Variants in CCDC73 observed in about 807,000 individuals in gnomAD.
CCDC73 encodes the protein coiled-coil domain-containing protein 73.
A neutral mutation model predicts 116.5 loss-of-function variants in CCDC73; 95 were observed. The ratio of observed to expected loss-of-function variants is 0.82; its 90% CI spans 0.69 to 0.97. The LOEUF (loss-of-function observed/expected upper bound fraction) is 0.97. Among genes scored for constraint, CCDC73 ranks in the 50% least tolerant of loss-of-function variants. CCDC73 has a pLI of 0.00. For missense variants in CCDC73, 1,066 were observed against 1,206.8 expected (o/e 0.88, Z 1.73); for synonymous variants, 398 against 401.3 (o/e 0.99, Z 0.10).
chr11:32,805,574 T>C, the CCDC73 span, among the ~76,000 whole-genome samples: 1 of 152,174 alleles, frequency 6.6e-6, no homozygotes, highest in Non-Finnish European at 1.5e-5. Context: ...TAAACAAAAA[T>C]ATAAAACACA....
intron 3 of CCDC73, among the ~76,000 whole-genome samples, chr11:32,709,480 A>T (rs1348563912): frequency 6.6e-6 from 1 of 152,132 alleles, no homozygotes; most frequent in Non-Finnish European, 1.5e-5. Context: ...TATTTTCAGT[A>T]GAGATGGGGT....
At chr11:32,757,189 CA>C (rs939248714) in intron 2 of CCDC73, among the ~76,000 whole-genome samples, 5 of 151,004 alleles carry the variant, frequency 3.3e-5, no homozygotes, top group African/African-American at 7.3e-5. Flanking sequence ...AAAACTTGCA[CA>C]AAAAAAATAC....
intron 14 of CCDC73, among the ~76,000 whole-genome samples, chr11:32,626,412 T>G (rs1221799323): frequency 1.3e-5 from 2 of 151,938 alleles, no homozygotes; most frequent in Admixed American, 6.6e-5. Flanking sequence ...CAAGGTAATT[T>G]ATAGATTCAA....
intron 2 of CCDC73, among the ~76,000 whole-genome samples, chr11:32,740,326 C>T (rs1406187064): frequency 6.6e-6 from 1 of 151,890 alleles, no homozygotes; most frequent in East Asian, 1.9e-4. Flanking sequence ...GGGTCCCAGG[C>T]TTTTTCTTTG....
chr11:32,796,091 T>G (rs10767967), upstream of CCDC73, among the ~76,000 whole-genome samples: 87,624 of 151,720 alleles, frequency 0.58, 25,686 homozygotes, highest in East Asian at 0.84. Context: ...GTCACCTTTT[T>G]AGGGAAAGCA....
chr11:32,825,767 A>C, the CCDC73 span, among the ~76,000 whole-genome samples: 13 of 152,334 alleles, frequency 8.5e-5, no homozygotes, highest in African/African-American at 3.1e-4. Flanking sequence ...TTCACAAAAA[A>C]AAGGCCAAAA....
At chr11:32,723,937 T>C (rs1312343675) in intron 2 of CCDC73, among the ~76,000 whole-genome samples, 1 of 152,100 alleles carries the variant, frequency 6.6e-6, no homozygotes, top group Non-Finnish European at 1.5e-5. Flanking sequence ...AAAGTTCTAA[T>C]AAAAAGTTTA....
the CCDC73 span, among the ~76,000 whole-genome samples, chr11:32,824,262 T>G: frequency 2.0e-5 from 3 of 152,194 alleles, no homozygotes; most frequent in Non-Finnish European, 4.4e-5. Flanking sequence ...TATATAATTG[T>G]GGGTGAAAAA....
chr11:32,742,108 G>T lies in CCDC73; in HGVS notation c.135+18001C>A, dbSNP rs534073148. On this transcript the variant is annotated intron_variant, in intron 2 of 17. Transcript: ENST00000335185. Reference sequence around the variant, plus strand: ...AGTCTTTGCTATTGTGAATAGTGCCGCAATAAACATACGTGTGCATGTGTC... The same window carrying T: ...AGTCTTTGCTATTGTGAATAGTGCCTCAATAAACATACGTGTGCATGTGTC... Among the ~76,000 whole-genome samples the T allele has an allele frequency of 6.6e-5, 10 of 152,174 alleles. No individual in the cohort carries two copies. The East Asian group carries it at 1.5e-3, about 23-fold the overall frequency.
intron 6 of CCDC73, among the ~76,000 whole-genome samples, chr11:32,692,458 T>A (rs1252013446): frequency 6.6e-6 from 1 of 152,070 alleles, no homozygotes; most frequent in African/African-American, 2.4e-5. Context: ...AGAAATAACA[T>A]GTTATATATT....
At chr11:32,726,271 A>G (rs752290067) in intron 2 of CCDC73, among the ~76,000 whole-genome samples, 7 of 152,240 alleles carry the variant, frequency 4.6e-5, no homozygotes, top group Non-Finnish European at 1.0e-4. Flanking sequence ...TATTGGATTT[A>G]TTGACATAGA....
At chr11:32,821,165 C>T in the CCDC73 span, among the ~76,000 whole-genome samples, 1 of 152,094 alleles carries the variant, frequency 6.6e-6, no homozygotes, top group Non-Finnish European at 1.5e-5. Flanking sequence ...ATATTTTCTT[C>T]TCATTCTTTT....
rs187345057 is a variant in CCDC73 at position 32,718,004 on chromosome 11, C to T, written c.207+72G>A. ...CCTCCACCTTGTCTCTCCCTTGACACGTGGGGGTTACGGGGATTACAATTC... is the reference window on the plus strand; with the variant it reads ...CCTCCACCTTGTCTCTCCCTTGACATGTGGGGGTTACGGGGATTACAATTC... On this transcript the variant is annotated intron_variant, in intron 3 of 17. Coordinates refer to ENST00000335185, the MANE Select transcript of CCDC73 (RefSeq NM_001008391.4). 1.9e-4 allele frequency: 194 copies of T among 1,030,672 alleles called. No individual in the cohort carries two copies. In the African/African-American group the frequency reaches 2.5e-3, roughly 13 times the overall value. The allele number at this position is 1,030,672 out of a possible 1,614,324, so 63.8% of individuals were successfully genotyped here.
intron 9 of CCDC73, among the ~76,000 whole-genome samples, chr11:32,660,241 A>AAAC (rs1485307818): frequency 6.7e-6 from 1 of 150,278 alleles, no homozygotes; most frequent in African/African-American, 2.4e-5. Context: ...AAAAAAAAAA[A>AAAC]AAAAAAAAAA....
Position 32,635,680 on chromosome 11 carries a change from C to A in CCDC73, c.1185+16G>T, listed in dbSNP as rs2133242712. On this transcript the variant is annotated intron_variant, in intron 14 of 17. Transcript: ENST00000335185. ...TTCTTTGATAGTTTGTACCCCACAA[C>A]ATACTTAAATTTTACCTGAAACTTT... is the stretch of plus-strand genomic sequence containing the variant. 7.8e-7 allele frequency: 1 copy of A among 1,286,076 alleles called. No homozygotes were observed. The highest frequency in any genetic ancestry group is 2.3e-5 in the South Asian group (1 of 43,358). 79.7% of individuals were successfully genotyped at this position (1,286,076 alleles called of 1,614,324 possible).
At chr11:32,621,488 G>A (rs768596380) in intron 14 of CCDC73, among the ~76,000 whole-genome samples, 1 of 152,064 alleles carries the variant, frequency 6.6e-6, no homozygotes, top group Non-Finnish European at 1.5e-5. Context: ...AACTGAAACT[G>A]GACCCCTTCC....
chr11:32,758,481 G>T (rs1411018931), intron 2 of CCDC73: 1 of 458,626 alleles, frequency 2.2e-6, no homozygotes, highest in Non-Finnish European at 4.3e-6. Flanking sequence ...TTGAAAAAAT[G>T]TGTCAGCAGA....
At chr11:32,738,305 T>C (rs1167741150) in intron 2 of CCDC73, among the ~76,000 whole-genome samples, 1 of 152,208 alleles carries the variant, frequency 6.6e-6, no homozygotes, top group Non-Finnish European at 1.5e-5. Context: ...GTTATACTAA[T>C]TTACATTTCC....
rs115756468 is a variant in CCDC73 at position 32,649,070 on chromosome 11, G to A, written c.939+4053C>T. On this transcript the variant is annotated intron_variant, in intron 12 of 17. Transcript: ENST00000335185. ...CTTATGTACCATTGAATTCTACAGC[G>A]CCTATGGTAGTCATAAATATGTAGT... Among the ~76,000 whole-genome samples, 1,124 of 152,156 alleles carry A rather than the reference G, an allele frequency of 7.4e-3. 10 individuals are homozygous for A. The highest frequency in any genetic ancestry group is 0.026 in the African/African-American group (1,077 of 41,514).
Sources: gnomAD v4.1 joint callset for allele counts (sites outside exome capture counted in the v4.1 genomes callset) on GRCh38, gnomAD v4.1.1 for gene constraint, MANE v1.5 for transcripts, NCBI Gene and HGNC (gene_info 2026-07-23, HGNC 2026-07-21) for gene names.